FLNB: variants seen among roughly 807,000 people sequenced by gnomAD.
FLNB encodes the protein filamin B, also known as filamin-B.
FLNB carries 111 observed loss-of-function variants against 250.6 expected under a neutral mutation model. The observed-to-expected ratio is 0.44, with a 90% CI of 0.38 to 0.52. The LOEUF (loss-of-function observed/expected upper bound fraction) is 0.52, where lower values mean the gene tolerates loss of function less well. Ranked by LOEUF, FLNB falls within the 20% of genes least tolerant of loss-of-function variation. FLNB has a pLI of 0.00. For missense variants in FLNB, 2,869 were observed against 3,447.8 expected (o/e 0.83, Z 4.20); for synonymous variants, 1,302 against 1,372.1 (o/e 0.95, Z 1.13).
At chr3:58,160,320 G>A (rs2097359378) in intron 42 of FLNB, among the ~76,000 whole-genome samples, 1 of 152,134 alleles carries the variant, frequency 6.6e-6, no homozygotes, top group African/African-American at 2.4e-5. Flanking sequence ...TTTCTTGCTT[G>A]GTGCCTTGGT....
At chr3:58,064,617 TC>T (rs531093829) in intron 1 of FLNB, among the ~76,000 whole-genome samples, 64 of 152,204 alleles carry the variant, frequency 4.2e-4, no homozygotes, top group African/African-American at 1.4e-3. Context: ...TCTCTCAAGT[TC>T]CCTGATTCCC....
intron 41 of FLNB, among the ~76,000 whole-genome samples, chr3:58,158,912 C>T (rs2097357204): frequency 6.6e-6 from 1 of 152,078 alleles, no homozygotes; most frequent in South Asian, 2.1e-4. Flanking sequence ...TTTGCATGCA[C>T]AGCTTCATTT....
intron 4 of FLNB, among the ~76,000 whole-genome samples, chr3:58,083,705 C>T (rs772326567): frequency 6.6e-6 from 1 of 152,072 alleles, no homozygotes; most frequent in Non-Finnish European, 1.5e-5. Flanking sequence ...GTGGTCGAGT[C>T]TTCTCATCTG....
intron 1 of FLNB, among the ~76,000 whole-genome samples, chr3:58,074,211 A>C (rs980902004): frequency 1.3e-5 from 2 of 152,248 alleles, no homozygotes; most frequent in Admixed American, 1.3e-4. Flanking sequence ...TGGAAATTCA[A>C]ATTCTCCTGT....
intron 24 of FLNB, 148 bp downstream of exon 24, chr3:58,126,910 G>T (rs1394348282): frequency 6.6e-6 from 5 of 752,530 alleles, no homozygotes; most frequent in Non-Finnish European, 9.1e-6. Context: ...ACATCTCCAA[G>T]ATTATCTCAA....
chr3:58,073,755 G>A (rs1342472097), intron 1 of FLNB, among the ~76,000 whole-genome samples: 1 of 152,026 alleles, frequency 6.6e-6, no homozygotes, highest in Admixed American at 6.6e-5. Context: ...GCCTAACTAA[G>A]GAAAAATCCA....
intron 3 of FLNB, among the ~76,000 whole-genome samples, chr3:58,080,538 A>G (rs2097207673): frequency 6.9e-6 from 1 of 145,946 alleles, no homozygotes; most frequent in African/African-American, 2.6e-5. Context: ...TCTGTCACAT[A>G]GGCTGGAGTG....
At chr3:58,108,904 A>G (rs2097263991) in intron 13 of FLNB, among the ~76,000 whole-genome samples, 1 of 152,226 alleles carries the variant, frequency 6.6e-6, no homozygotes, top group Non-Finnish European at 1.5e-5. Flanking sequence ...TATTTAATCT[A>G]ATTGAATTTG....
chr3:58,020,346 C>T (rs2097111993), intron 1 of FLNB, among the ~76,000 whole-genome samples: 1 of 152,200 alleles, frequency 6.6e-6, no homozygotes, highest in African/African-American at 2.4e-5. Context: ...TGCTTCCAAT[C>T]CAAGCAGGCA....
At chr3:58,016,721 A>C (rs1021136831) in intron 1 of FLNB, among the ~76,000 whole-genome samples, 1 of 151,674 alleles carries the variant, frequency 6.6e-6, no homozygotes, top group Non-Finnish European at 1.5e-5. Flanking sequence ...TATTCTTGTT[A>C]TTCTGCTTTT....
rs750262364 is a variant in FLNB at position 58,121,350 on chromosome 3, C to G, written c.2973C>G (p.Cys991Trp). ...ILSPSRKVVP[C>W]LVTPVTGREN... ...GCCCCTCTCGGAAGGTCGTGCCATGCCTAGTGACACCTGTGACAGGCCGGG... is the reference window on the plus strand; with the variant it reads ...GCCCCTCTCGGAAGGTCGTGCCATGGCTAGTGACACCTGTGACAGGCCGGG... Residue 991 changes from cysteine to tryptophan, a missense_variant, in exon 20 of 46, where the codon TGC (cysteine) becomes TGG (tryptophan). Cys to Trp is a radical substitution (Grantham distance 215). Transcript: ENST00000295956. 8 of 1,614,158 alleles carry G rather than the reference C, an allele frequency of 5.0e-6. No individual in the cohort carries two copies. The highest frequency in any genetic ancestry group is 6.8e-6 in the Non-Finnish European group (8 of 1,180,014).
chr3:58,023,506 T>G (rs2097117647), intron 1 of FLNB, among the ~76,000 whole-genome samples: 1 of 152,244 alleles, frequency 6.6e-6, no homozygotes, highest in Non-Finnish European at 1.5e-5. Context: ...GTGAAGAATT[T>G]TAATGAATCT....
At chr3:58,145,823 A>G in intron 32 of FLNB, 98 bp from the exon 33 acceptor site, 28 of 1,496,998 alleles carry the variant, frequency 1.9e-5, no homozygotes, top group Non-Finnish European at 2.4e-5. Context: ...AGGAGGCGCC[A>G]GACCTGTAGA....
Position 58,142,813 on chromosome 3 carries a change from G to T in FLNB, c.5284+61G>T. ...TTGCTCTCACGAGCTTCCCAGAATG[G>T]TGCTGGGGAGGTGTGTCCACTGTCC... On this transcript the variant is annotated intron_variant, in intron 31 of 45. Transcript: ENST00000295956. The surrounding 1 kb of genome is among the most constrained non-coding windows in gnomAD (Gnocchi z 4.3). 1.2e-5 allele frequency: 17 copies of T among 1,429,534 alleles called. No individual in the cohort carries two copies. The highest frequency in any genetic ancestry group is 1.7e-5 in the Non-Finnish European group (17 of 1,015,088). 88.6% of individuals were successfully genotyped at this position (1,429,534 alleles called of 1,614,324 possible).
intron 41 of FLNB, 142 bp downstream of exon 41, chr3:58,156,217 G>T: frequency 1.5e-6 from 1 of 683,030 alleles, no homozygotes; most frequent in East Asian, 2.8e-5. Context: ...TCACTGGGGA[G>T]CTTTCCTGTG....
chr3:58,051,185 T>C (rs1280124520), intron 1 of FLNB, among the ~76,000 whole-genome samples: 1 of 152,242 alleles, frequency 6.6e-6, no homozygotes, highest in Non-Finnish European at 1.5e-5. Context: ...CTCACTTCTC[T>C]AACACCCTTC....
intron 8 of FLNB, among the ~76,000 whole-genome samples, chr3:58,100,371 A>ATATATATATATATAT (rs1273706014): frequency 2.8e-4 from 7 of 25,250 alleles, no homozygotes; most frequent in African/African-American, 2.1e-3. Context: ...ATGTAAAAAA[A>ATATATATATATATAT]AAATATATAT....
rs374686904 is a variant in FLNB at position 58,148,728 on chromosome 3, C to G, written c.5967C>G (p.Pro1989=). 3 of 1,613,970 alleles carry G rather than the reference C, an allele frequency of 1.9e-6. No homozygotes were observed. Among genetic ancestry groups the G allele is most frequent in the East Asian group, 2.2e-5 (1 of 44,876 alleles). Residue 1989 remains proline, a synonymous_variant, in exon 36 of 46, where the codon CCC becomes CCG. Transcript: ENST00000295956. ...KKNGNHVANS[P]VSIMVVQSEI... is the part of the protein sequence containing the mutation. Reference sequence around the variant, plus strand: ...ATGGCAACCATGTGGCCAACAGCCCCGTGTCTATCATGGTGGTCCAGTCGG... The same window carrying G: ...ATGGCAACCATGTGGCCAACAGCCCGGTGTCTATCATGGTGGTCCAGTCGG...
rs2097288339 is a variant in FLNB, at chr3:58,121,280, C to A, written c.2903C>A (p.Thr968Asn). ...VGKDQEFTVDTRGAGGQGKLD... is the reference protein window; with the variant it reads ...VGKDQEFTVDNRGAGGQGKLD... ...AAGGATCAGGAGTTCACCGTTGATA[C>A]CAGGGGGGCAGGAGGCCAGGGGAAG... Residue 968 changes from threonine to asparagine, a missense_variant, in exon 20 of 46, where the codon ACC becomes AAC. By Grantham distance (65) the Thr-to-Asn change is moderately conservative. Coordinates refer to ENST00000295956, the MANE Select transcript of FLNB (RefSeq NM_001457.4). 1.2e-6 allele frequency: 2 copies of A among 1,613,980 alleles called. No homozygotes were observed. Among genetic ancestry groups the A allele is most frequent in the African/African-American group, 2.7e-5 (2 of 74,884 alleles).
Sources: allele counts gnomAD v4.1 joint callset (sites outside exome capture counted in the v4.1 genomes callset), GRCh38; gene constraint gnomAD v4.1.1; non-coding constraint Gnocchi (gnomAD v3.1); transcripts MANE v1.5; gene names NCBI Gene and HGNC (gene_info 2026-07-23, HGNC 2026-07-21).